KCNK3: variants seen among roughly 807,000 people sequenced by gnomAD.
KCNK3 encodes potassium two pore domain channel subfamily K member 3.
A neutral mutation model predicts 27.3 loss-of-function variants in KCNK3; 9 were observed. The ratio of observed to expected loss-of-function variants is 0.33; its 90% CI spans 0.20 to 0.57. The LOEUF is 0.57. Ranked by LOEUF, KCNK3 falls within the 20% of genes least tolerant of loss-of-function variation. KCNK3 has a pLI of 0.87. For missense variants in KCNK3, 391 were observed against 577.7 expected, an observed-to-expected ratio of 0.68 and a Z score of 3.31; for synonymous variants, 278 against 273.8, an observed-to-expected ratio of 1.02 and a Z score of -0.15.
chr2:26,728,399 G>A lies in KCNK3; in HGVS notation c.1016G>A (p.Cys339Tyr). Residue 339 changes from cysteine (C) to tyrosine (Y), a missense_variant, in exon 2 of 2, where the codon TGC becomes TAC. By Grantham distance (194) the Cys-to-Tyr change is radical. This residue lies in a region of KCNK3 where 192 missense variants were observed against 196.0 expected (regional missense o/e 0.98). Coordinates refer to ENST00000302909, the MANE Select transcript of KCNK3 (RefSeq NM_002246.3). Reference sequence around the variant, plus strand: ...CGGGACCTCTCCACGTCCGACACGTGCGTGGAGCAGAGCCACTCGTCGCCG... The same window carrying A: ...CGGGACCTCTCCACGTCCGACACGTACGTGGAGCAGAGCCACTCGTCGCCG... The part of the protein sequence containing the change: ...IPRDLSTSDT[C>Y]VEQSHSSPGG... 6.2e-7 allele frequency: 1 copy of A among 1,605,900 alleles called. No individual in the cohort carries two copies. The highest frequency in any genetic ancestry group is 8.5e-7 in the Non-Finnish European group (1 of 1,176,130).
chr2:26,697,663 G>T (rs969191281), intron 1 of KCNK3, among the ~76,000 whole-genome samples: 1 of 152,230 alleles, frequency 6.6e-6, no homozygotes, highest in South Asian at 2.1e-4. Context: ...TGGGCTCGCA[G>T]GTGCCCATTC....
At chr2:26,720,715 G>T (rs1195013958) in intron 1 of KCNK3, among the ~76,000 whole-genome samples, 2 of 152,106 alleles carry the variant, frequency 1.3e-5, no homozygotes, top group African/African-American at 4.8e-5. Flanking sequence ...AGCTGCTGGG[G>T]GTAGTGGGGG....
Position 26,728,406 on chromosome 2 carries a change from G to A in KCNK3, c.1023G>A (p.Glu341=), listed in dbSNP as rs773539407. The A allele has an allele frequency of 6.3e-7, 1 of 1,598,002 alleles. No homozygotes were observed. Among genetic ancestry groups the A allele is most frequent in the Non-Finnish European group, 8.5e-7 (1 of 1,169,732 alleles). The change falls in exon 2 of 2, where the codon GAG becomes GAA. Residue 341 remains glutamate, a synonymous_variant. Coordinates refer to ENST00000302909, the MANE Select transcript of KCNK3 (RefSeq NM_002246.3). ...RDLSTSDTCV[E]QSHSSPGGGG... Reference sequence around the variant, plus strand: ...TCTCCACGTCCGACACGTGCGTGGAGCAGAGCCACTCGTCGCCGGGAGGGG... The same window carrying A: ...TCTCCACGTCCGACACGTGCGTGGAACAGAGCCACTCGTCGCCGGGAGGGG...
intron 1 of KCNK3, among the ~76,000 whole-genome samples, chr2:26,717,329 A>T (rs1353801520): frequency 6.6e-6 from 1 of 152,178 alleles, no homozygotes; most frequent in Non-Finnish European, 1.5e-5. Context: ...GGAGAAGTTC[A>T]TTCCCTTTAG....
chr2:26,724,315 G>GC (rs1331961711), intron 1 of KCNK3, among the ~76,000 whole-genome samples: 1 of 152,234 alleles, frequency 6.6e-6, no homozygotes, highest in African/African-American at 2.4e-5. Flanking sequence ...CTGGCTCAGA[G>GC]CAACGCCTGA....
chr2:26,727,627 A>C (rs1470124734), intron 1 of KCNK3, 40 bp from the exon 2 acceptor site: 6 of 1,512,366 alleles, frequency 4.0e-6, no homozygotes, highest in South Asian at 1.3e-5. Context: ...GGGCAGCCCC[A>C]AAATGTGTGC....
intron 1 of KCNK3, among the ~76,000 whole-genome samples, chr2:26,694,664 A>C (rs1347142698): frequency 6.6e-6 from 1 of 152,078 alleles, no homozygotes; most frequent in African/African-American, 2.4e-5. Context: ...GATCAGACTT[A>C]GGTCTGCCCA....
At chr2:26,724,292 A>G (rs1239649312) in intron 1 of KCNK3, among the ~76,000 whole-genome samples, 1 of 152,072 alleles carries the variant, frequency 6.6e-6, no homozygotes, top group Non-Finnish European at 1.5e-5. Context: ...TCCTGTTACC[A>G]CCTCTGCTGC....
intron 1 of KCNK3, among the ~76,000 whole-genome samples, chr2:26,725,638 C>T (rs970964030): frequency 7.2e-5 from 11 of 152,200 alleles, no homozygotes; most frequent in Non-Finnish European, 1.2e-4. Flanking sequence ...ACAATCTGTT[C>T]TCACCCTACT....
rs1322202026 is a variant in KCNK3, at chr2:26,732,428, G to A, written c.*3860G>A. 6.6e-6 allele frequency: 1 copy of A among 152,236 alleles called. No individual in the cohort carries two copies. Among genetic ancestry groups the A allele is most frequent in the Non-Finnish European group, 1.5e-5 (1 of 68,044 alleles). 9.4% of individuals were successfully genotyped at this position (152,236 alleles called of 1,614,324 possible). A position where few individuals can be genotyped will look rare whatever the true frequency, so the allele number is the denominator to read the frequency against. ...TACTGGAGAAATAAAGAGAGTGGGA[G>A]TAGGGACACTTTCTCCCAGTGCCCA... is the stretch of plus-strand genomic sequence containing the variant. On this transcript the variant is annotated 3_prime_UTR_variant, in exon 2 of 2. Coordinates refer to ENST00000302909, the MANE Select transcript of KCNK3 (RefSeq NM_002246.3).
chr2:26,711,905 G>C (rs943274955), intron 1 of KCNK3, among the ~76,000 whole-genome samples: 1 of 152,122 alleles, frequency 6.6e-6, no homozygotes, highest in East Asian at 1.9e-4. Context: ...AGCTGCAGCT[G>C]GGGGGAGCTG....
chr2:26,717,834 A>G (rs1663259279), intron 1 of KCNK3, among the ~76,000 whole-genome samples: 1 of 152,144 alleles, frequency 6.6e-6, no homozygotes, highest in Non-Finnish European at 1.5e-5. Flanking sequence ...CATTCTGTTC[A>G]AACCTCAGGC....
At chr2:26,725,055 G>A (rs958237216) in intron 1 of KCNK3, among the ~76,000 whole-genome samples, 1 of 152,186 alleles carries the variant, frequency 6.6e-6, no homozygotes, top group African/African-American at 2.4e-5. Flanking sequence ...AGGGGGCACT[G>A]GCTTTTCCTA....
At position 26,693,180 on chromosome 2, in the gene KCNK3, G is replaced by C; in HGVS notation, c.283+22G>C. ...ATCGGTAACGGCTCGCCGGGCGGGG[G>C]GCGGGAACCCAGGGCTGGGCGCGGG... On this transcript the variant is annotated intron_variant, in intron 1 of 1. Coordinates refer to ENST00000302909, the MANE Select transcript of KCNK3 (RefSeq NM_002246.3). The surrounding 1 kb of genome is among the most constrained non-coding windows in gnomAD (Gnocchi z 5.5). 2 of 1,406,318 alleles carry C rather than the reference G, an allele frequency of 1.4e-6. No homozygotes were observed. The highest frequency in any genetic ancestry group is 1.3e-5 in the South Asian group (1 of 79,304). 87.1% of individuals were successfully genotyped at this position (1,406,318 alleles called of 1,614,324 possible).
rs1322262751 is a variant in KCNK3, at chr2:26,729,347, T to C, written c.*779T>C. 1 of 152,252 alleles carries C rather than the reference T, an allele frequency of 6.6e-6. No individual in the cohort carries two copies. Among genetic ancestry groups the C allele is most frequent in the Admixed American group, 6.5e-5 (1 of 15,286 alleles). 9.4% of individuals were successfully genotyped at this position (152,252 alleles called of 1,614,324 possible). ...GAATCTGGAACAGAAGACTTCAGACTCACCATAATTGCTGATAATTACCCA... is the reference window on the plus strand; with the variant it reads ...GAATCTGGAACAGAAGACTTCAGACCCACCATAATTGCTGATAATTACCCA... On this transcript the variant is annotated 3_prime_UTR_variant, in exon 2 of 2. Transcript: ENST00000302909.
In KCNK3 at chr2:26,728,044, G is replaced by A. The variant is rs398123041; in HGVS notation, c.661G>A (p.Val221Met). 2 of 1,614,170 alleles carry A rather than the reference G, an allele frequency of 1.2e-6. No homozygotes were observed. The highest frequency in any genetic ancestry group is 1.7e-6 in the Non-Finnish European group (2 of 1,180,008). The change falls in exon 2 of 2, where the codon GTG becomes ATG. Residue 221 changes from valine (V) to methionine (M), a missense_variant. This residue lies in a region of KCNK3 where 38 missense variants were observed against 80.5 expected (regional missense o/e 0.47). Coordinates refer to ENST00000302909, the MANE Select transcript of KCNK3 (RefSeq NM_002246.3). ...DQALQTQPQYVAFSFVYILTG... is the reference protein window; with the variant it reads ...DQALQTQPQYMAFSFVYILTG... ...GGCCCTGCAGACGCAGCCGCAGTAC[G>A]TGGCCTTCAGCTTCGTCTACATCCT... is the stretch of plus-strand genomic sequence containing the variant.
At position 26,725,758 on chromosome 2, in the gene KCNK3, G is replaced by C. The variant is rs150330737; in HGVS notation, c.284-1909G>C. Among the ~76,000 whole-genome samples, 32 of 152,296 alleles carry C rather than the reference G, an allele frequency of 2.1e-4. No homozygotes were observed. In the East Asian group the frequency reaches 6.2e-3, roughly 29 times the overall value. On this transcript the variant is annotated intron_variant, in intron 1 of 1. Transcript: ENST00000302909. ...GCTGTGGAGGGGGTCAGGGGAGCTG[G>C]TTCTAAGGGCAGCCCCAAGCAGCTG...
chr2:26,704,965 CTT>C (rs1434198955), intron 1 of KCNK3, among the ~76,000 whole-genome samples: 2 of 151,690 alleles, frequency 1.3e-5, no homozygotes, highest in Non-Finnish European at 2.9e-5. Flanking sequence ...GCACTATTTT[CTT>C]TCTTTCTTTT....
intron 1 of KCNK3, among the ~76,000 whole-genome samples, chr2:26,718,662 G>A (rs1052390376): frequency 6.6e-6 from 1 of 151,932 alleles, no homozygotes; most frequent in African/African-American, 2.4e-5. Flanking sequence ...AGGCTGGAGT[G>A]TAGTGGTGCA....
Sources: gnomAD v4.1 joint callset for allele counts (sites outside exome capture counted in the v4.1 genomes callset) on GRCh38, gnomAD v4.1.1 for gene constraint, gnomAD v4.1.1 regional missense constraint, Gnocchi (gnomAD v3.1) non-coding constraint, MANE v1.5 for transcripts, NCBI Gene and HGNC (gene_info 2026-07-23, HGNC 2026-07-21) for gene names.